DPYD: variants seen among roughly 807,000 people sequenced by gnomAD.
DPYD encodes dihydropyrimidine dehydrogenase, also known as dihydropyrimidine dehydrogenase [NADP(+)].
In DPYD, 109 loss-of-function variants were observed where a neutral mutation model predicts 116.2. That is an observed-to-expected ratio of 0.94 (90% CI 0.80 to 1.10). DPYD has a LOEUF of 1.10. Among genes scored for constraint, DPYD ranks in the 50% least tolerant of loss-of-function variants. The pLI, the probability that DPYD is intolerant of heterozygous loss-of-function variation, is 0.00. For missense variants in DPYD, 1,302 were observed against 1,254.5 expected (o/e 1.04, Z -0.57); for synonymous variants, 440 against 432.0 (o/e 1.02, Z -0.23).
intron 6 of DPYD, among the ~76,000 whole-genome samples, chr1:97,694,966 C>T (rs1661214730): frequency 6.6e-6 from 1 of 152,118 alleles, no homozygotes. Flanking sequence ...CTTTAATAAA[C>T]ATTGTGTTCT....
intron 13 of DPYD, among the ~76,000 whole-genome samples, chr1:97,462,664 C>T (rs1204876213): frequency 1.3e-5 from 2 of 152,192 alleles, no homozygotes; most frequent in Non-Finnish European, 2.9e-5. Context: ...CACTCTAGTA[C>T]AGCATCACAT....
intron 19 of DPYD, among the ~76,000 whole-genome samples, chr1:97,221,400 CTG>C (rs1249026279): frequency 5.3e-5 from 7 of 131,982 alleles, no homozygotes; most frequent in African/African-American, 1.8e-4. Context: ...AAATTACAAA[CTG>C]TGAATATGCA....
At chr1:97,103,013 G>C (rs1210811917) in intron 20 of DPYD, among the ~76,000 whole-genome samples, 1 of 151,998 alleles carries the variant, frequency 6.6e-6, no homozygotes, top group African/African-American at 2.4e-5. Flanking sequence ...AAAAATATGG[G>C]AGCAGTGTGG....
Position 97,713,944 on chromosome 1 carries a change from C to A in DPYD, c.483+7566G>T, listed in dbSNP as rs180861598. Among the ~76,000 whole-genome samples the A allele has an allele frequency of 5.7e-3, 874 of 152,008 alleles. 11 individuals are homozygous for A. Among genetic ancestry groups the A allele is most frequent in the African/African-American group, 0.02 (830 of 41,496 alleles). On this transcript the variant is annotated intron_variant, in intron 5 of 22. Coordinates refer to ENST00000370192, the MANE Select transcript of DPYD (RefSeq NM_000110.4). ...CTAACAAATATAGTTTAATCTATAT[C>A]CTATTTATAAATGACCTGCAAAAAG... is the stretch of plus-strand genomic sequence containing the variant.
intron 8 of DPYD, among the ~76,000 whole-genome samples, chr1:97,635,310 G>A (rs1047063084): frequency 9.2e-5 from 14 of 152,064 alleles, no homozygotes; most frequent in African/African-American, 3.4e-4. Flanking sequence ...CCTGTTTCCA[G>A]GGCCTTTGTG....
intron 3 of DPYD, among the ~76,000 whole-genome samples, chr1:97,809,605 G>A (rs1668249366): frequency 6.6e-6 from 1 of 152,220 alleles, no homozygotes; most frequent in Admixed American, 6.5e-5. Flanking sequence ...AAATTTGGGA[G>A]TAAGCTAACT....
intron 16 of DPYD, among the ~76,000 whole-genome samples, chr1:97,353,105 A>G (rs74679167): frequency 0.16 from 23,891 of 152,192 alleles, 1,973 homozygotes; most frequent in Middle Eastern, 0.22. Context: ...AAAGAGCAGC[A>G]TGGAATCTAG....
chr1:97,579,907 C>T (rs922006973), intron 10 of DPYD, among the ~76,000 whole-genome samples: 1 of 152,116 alleles, frequency 6.6e-6, no homozygotes, highest in Non-Finnish European at 1.5e-5. Flanking sequence ...TGATTTTCAC[C>T]TCCATATTCA....
intron 2 of DPYD, among the ~76,000 whole-genome samples, chr1:97,839,169 T>C (rs1192130130): frequency 6.6e-6 from 1 of 152,216 alleles, no homozygotes; most frequent in Non-Finnish European, 1.5e-5. Flanking sequence ...CCTTCCTTCC[T>C]TTCACAGTAT....
At chr1:97,145,165 C>T (rs938953842) in intron 20 of DPYD, among the ~76,000 whole-genome samples, 2 of 152,142 alleles carry the variant, frequency 1.3e-5, no homozygotes, top group African/African-American at 4.8e-5. Context: ...ATTAATTTAA[C>T]AGGGAGTGCA....
intron 18 of DPYD, among the ~76,000 whole-genome samples, chr1:97,261,134 TATGACAAACAC>T (rs1663846617): frequency 6.6e-6 from 1 of 152,102 alleles, no homozygotes; most frequent in Admixed American, 6.6e-5. Flanking sequence ...TGTGAAGACG[TATGACAAACAC>T]ATGACAAACA....
chr1:97,814,995 AAAAGGG>A (rs1198411130), intron 3 of DPYD, among the ~76,000 whole-genome samples: 3 of 150,920 alleles, frequency 2.0e-5, no homozygotes, highest in Non-Finnish European at 4.4e-5. Context: ...AAAGGAAAGG[AAAAGGG>A]AAAGGGAAAA....
chr1:97,553,555 G>A (rs1028320493), intron 11 of DPYD, among the ~76,000 whole-genome samples: 6 of 152,072 alleles, frequency 3.9e-5, no homozygotes, highest in African/African-American at 1.4e-4. Flanking sequence ...CTTGGAAGGA[G>A]TGAAAGCATA....
intron 2 of DPYD, among the ~76,000 whole-genome samples, chr1:97,850,533 C>T (rs1388591231): frequency 6.6e-6 from 1 of 151,972 alleles, no homozygotes; most frequent in Non-Finnish European, 1.5e-5. Flanking sequence ...TTCTTTAAAA[C>T]AAATGGATTT....
intron 14 of DPYD, among the ~76,000 whole-genome samples, chr1:97,421,638 C>G (rs1557700739): frequency 1.3e-5 from 2 of 152,152 alleles, no homozygotes; most frequent in East Asian, 3.9e-4. Flanking sequence ...TGGGACACAG[C>G]TGCTTATCAA....
intron 14 of DPYD, among the ~76,000 whole-genome samples, chr1:97,425,962 A>C (rs909953308): frequency 5.9e-5 from 9 of 152,100 alleles, no homozygotes; most frequent in African/African-American, 1.2e-4. Flanking sequence ...AAAAAAAAAA[A>C]ACAACATTTG....
At chr1:97,380,215 T>C (rs1439441810) in intron 15 of DPYD, among the ~76,000 whole-genome samples, 1 of 152,196 alleles carries the variant, frequency 6.6e-6, no homozygotes, top group African/African-American at 2.4e-5. Flanking sequence ...TTGCTCCCTA[T>C]TACTCATCTT....
At chr1:97,311,273 G>A (rs1381627821) in intron 16 of DPYD, among the ~76,000 whole-genome samples, 3 of 151,868 alleles carry the variant, frequency 2.0e-5, no homozygotes, top group Admixed American at 6.6e-5. Flanking sequence ...TCATAAAGGA[G>A]TAGTATCCAG....
At chr1:97,421,499 T>C (rs1305244735) in intron 14 of DPYD, among the ~76,000 whole-genome samples, 4 of 152,006 alleles carry the variant, frequency 2.6e-5, no homozygotes, top group Non-Finnish European at 5.9e-5. Context: ...TTTGGGTGTT[T>C]GAGAAACGTA....
Sources: gnomAD v4.1 joint callset for allele counts (sites outside exome capture counted in the v4.1 genomes callset) on GRCh38, gnomAD v4.1.1 for gene constraint, MANE v1.5 for transcripts, NCBI Gene and HGNC (gene_info 2026-07-23, HGNC 2026-07-21) for gene names.